The following OLFM3 variants were observed in gnomAD, a reference collection of about 807,000 sequenced individuals.
OLFM3 encodes the protein olfactomedin 3.
In OLFM3, 20 loss-of-function variants were observed where a neutral mutation model predicts 48.6. That is an observed-to-expected ratio of 0.41 (90% CI 0.29 to 0.60). The LOEUF (loss-of-function observed/expected upper bound fraction) is 0.60, where lower values mean the gene tolerates loss of function less well. Among genes scored for constraint, OLFM3 ranks in the 20% least tolerant of loss-of-function variants. OLFM3 has a pLI of 0.28. For synonymous variants in OLFM3, 222 were observed against 198.1 expected, an observed-to-expected ratio of 1.12 and a Z score of -1.01; for missense variants, 437 against 544.3, an observed-to-expected ratio of 0.80 and a Z score of 1.96.
intron 1 of OLFM3, among the ~76,000 whole-genome samples, chr1:101,969,618 C>T (rs190632342): frequency 6.2e-4 from 95 of 152,318 alleles, no homozygotes; most frequent in African/African-American, 2.2e-3. Context: ...ATGTAACCAA[C>T]TCCAACACAT....
At chr1:101,971,624 T>C (rs1484383518) in intron 1 of OLFM3, among the ~76,000 whole-genome samples, 2 of 152,156 alleles carry the variant, frequency 1.3e-5, no homozygotes, top group Non-Finnish European at 2.9e-5. Context: ...ATTGGGTATA[T>C]GGTATTGTTT....
intron 1 of OLFM3, among the ~76,000 whole-genome samples, chr1:101,954,530 G>A (rs531495101): frequency 6.6e-6 from 1 of 152,078 alleles, no homozygotes; most frequent in African/African-American, 2.4e-5. Flanking sequence ...TTTAGCTTTT[G>A]ATAATTTCAT....
intron 1 of OLFM3, among the ~76,000 whole-genome samples, chr1:101,899,391 G>C (rs1364327527): frequency 6.6e-6 from 1 of 152,190 alleles, no homozygotes; most frequent in Non-Finnish European, 1.5e-5. Context: ...GAAAGAGGGA[G>C]AGGAGGGGCA....
chr1:101,996,613 G>C (rs1661566019), intron 1 of OLFM3, 135 bp downstream of exon 1: 3 of 830,876 alleles, frequency 3.6e-6, no homozygotes, highest in Non-Finnish European at 5.9e-6. Context: ...CCAAGCAGTG[G>C]GGATACGCCA....
In OLFM3 at chr1:101,922,985, A is replaced by G. The variant is rs75788282; in HGVS notation, c.69+73763T>C. ...AGTTGCTATAATTTCTCCCAATATA[A>G]AGATAAAAGAGTGACTCAGTTTTAG... On this transcript the variant is annotated intron_variant, in intron 1 of 5. Transcript: ENST00000370103. Among the ~76,000 whole-genome samples, 939 of 152,288 alleles carry G rather than the reference A, an allele frequency of 6.2e-3. 12 individuals are homozygous for G. The highest frequency in any genetic ancestry group is 0.022 in the African/African-American group (898 of 41,558).
At chr1:101,927,822 T>C (rs774827917) in intron 1 of OLFM3, among the ~76,000 whole-genome samples, 4 of 151,010 alleles carry the variant, frequency 2.6e-5, no homozygotes, top group Non-Finnish European at 4.4e-5. Flanking sequence ...GAAAAACACA[T>C]ACCAGACTAT....
At chr1:101,978,406 T>A (rs943726835) in intron 1 of OLFM3, among the ~76,000 whole-genome samples, 2 of 152,192 alleles carry the variant, frequency 1.3e-5, no homozygotes, top group Non-Finnish European at 2.9e-5. Context: ...AAAATAATTT[T>A]AAATTGTTAT....
At chr1:101,941,208 G>T (rs1659786105) in intron 1 of OLFM3, among the ~76,000 whole-genome samples, 1 of 152,126 alleles carries the variant, frequency 6.6e-6, no homozygotes, top group Non-Finnish European at 1.5e-5. Context: ...ATCAACCACG[G>T]CAGTGGCAGA....
At chr1:101,814,143 G>A (rs373288338) in intron 4 of OLFM3, among the ~76,000 whole-genome samples, 11 of 152,194 alleles carry the variant, frequency 7.2e-5, no homozygotes, top group African/African-American at 2.6e-4. Flanking sequence ...GTTTTGTGGG[G>A]AAAATAGATT....
At chr1:101,861,299 T>A (rs1656645653) in intron 1 of OLFM3, among the ~76,000 whole-genome samples, 1 of 150,580 alleles carries the variant, frequency 6.6e-6, no homozygotes, top group African/African-American at 2.5e-5. Flanking sequence ...TGACCTCAAG[T>A]GATTTGGCCG....
At chr1:101,866,548 C>A (rs552997731) in intron 1 of OLFM3, among the ~76,000 whole-genome samples, 1 of 152,036 alleles carries the variant, frequency 6.6e-6, no homozygotes, top group African/African-American at 2.4e-5. Flanking sequence ...ATGTAATGTG[C>A]ATTTTAAAAT....
At chr1:101,924,146 C>G (rs1240169254) in intron 1 of OLFM3, among the ~76,000 whole-genome samples, 1 of 152,078 alleles carries the variant, frequency 6.6e-6, no homozygotes, top group Non-Finnish European at 1.5e-5. Flanking sequence ...GAAAATGAAC[C>G]AGCTTCGTTA....
At chr1:101,897,377 A>G (rs1658243342) in intron 1 of OLFM3, among the ~76,000 whole-genome samples, 1 of 152,164 alleles carries the variant, frequency 6.6e-6, no homozygotes, top group African/African-American at 2.4e-5. Context: ...GTATGTATAC[A>G]ATGAGCTTTG....
At chr1:101,939,184 T>C (rs1659713139) in intron 1 of OLFM3, among the ~76,000 whole-genome samples, 1 of 152,230 alleles carries the variant, frequency 6.6e-6, no homozygotes, top group Non-Finnish European at 1.5e-5. Context: ...ACTCATATAC[T>C]AAACTTCATA....
chr1:101,811,361 C>T (rs1036504440), intron 4 of OLFM3, among the ~76,000 whole-genome samples: 22 of 152,060 alleles, frequency 1.4e-4, no homozygotes, highest in African/African-American at 5.3e-4. Context: ...AACTAAAGAG[C>T]TTCTGCACAG....
chr1:101,860,141 T>C (rs189775056), intron 1 of OLFM3, among the ~76,000 whole-genome samples: 2 of 152,030 alleles, frequency 1.3e-5, no homozygotes, highest in African/African-American at 2.4e-5. Flanking sequence ...TGAGTGAGGA[T>C]TGCCCAGAGG....
intron 1 of OLFM3, among the ~76,000 whole-genome samples, chr1:101,857,753 T>C (rs1379559646): frequency 6.6e-6 from 1 of 152,014 alleles, no homozygotes; most frequent in Non-Finnish European, 1.5e-5. Flanking sequence ...GAGTCCTTTC[T>C]AGGTGTTCTG....
chr1:101,825,355 T>A (rs2100899535), intron 3 of OLFM3, 110 bp from the exon 4 acceptor site: 1 of 885,806 alleles, frequency 1.1e-6, no homozygotes, highest in South Asian at 2.0e-5. Flanking sequence ...TCAACATTTC[T>A]TATTGATTTT....
intron 4 of OLFM3, among the ~76,000 whole-genome samples, chr1:101,817,684 T>C (rs1654404005): frequency 1.3e-5 from 2 of 152,210 alleles, no homozygotes; most frequent in East Asian, 1.9e-4. Flanking sequence ...ATTTGAATCC[T>C]AAGGCTATGC....
Sources: gnomAD v4.1 joint callset for allele counts (sites outside exome capture counted in the v4.1 genomes callset) on GRCh38, gnomAD v4.1.1 for gene constraint, MANE v1.5 for transcripts, NCBI Gene and HGNC (gene_info 2026-07-23, HGNC 2026-07-21) for gene names.